Variants in RASA3 observed in about 807,000 individuals in gnomAD.
RASA3 encodes RAS p21 protein activator 3.
In RASA3, 73 loss-of-function variants were observed where a neutral mutation model predicts 110.0. The ratio of observed to expected loss-of-function variants is 0.66; its 90% CI spans 0.55 to 0.81. The LOEUF (loss-of-function observed/expected upper bound fraction) is 0.81. Among genes scored for constraint, RASA3 ranks in the 30% least tolerant of loss-of-function variants. The pLI is 0.00. For missense variants in RASA3, 976 were observed against 1,113.2 expected (o/e 0.88, Z 1.75); for synonymous variants, 500 against 451.4 (o/e 1.11, Z -1.37).
In RASA3 at chr13:113,983,046, C is replaced by A. The variant is rs565928791; in HGVS notation, c.2246-1188G>T. Among the ~76,000 whole-genome samples the A allele has an allele frequency of 3.7e-4, 55 of 150,494 alleles. 1 individual carries two copies. In the South Asian group the frequency reaches 8.0e-3, roughly 22 times the overall value. On this transcript the variant is annotated intron_variant, in intron 22 of 23. Transcript: ENST00000334062. ...TGAGAAGTGGCTGCTGCTGTACCTT[C>A]AAATGTGGACTGGCTTTGGAACTGG...
chr13:114,012,368 A>G (rs1466103556), intron 15 of RASA3, among the ~76,000 whole-genome samples: 1 of 144,518 alleles, frequency 6.9e-6, no homozygotes, highest in Middle Eastern at 3.3e-3. Context: ...TCCCCATTCC[A>G]CACACCTTCC....
chr13:114,043,685 C>T (rs768964399), intron 3 of RASA3, among the ~76,000 whole-genome samples: 10 of 152,052 alleles, frequency 6.6e-5, no homozygotes, highest in African/African-American at 1.7e-4. Flanking sequence ...AGGAAACAGG[C>T]CCCAGCACAT....
chr13:114,020,279 G>A (rs896449924), intron 9 of RASA3, among the ~76,000 whole-genome samples: 1 of 152,134 alleles, frequency 6.6e-6, no homozygotes, highest in African/African-American at 2.4e-5. Flanking sequence ...CGGTCAGGTG[G>A]GTGGAGCCTG....
chr13:114,043,196 G>A (rs1566519081), intron 3 of RASA3, among the ~76,000 whole-genome samples: 1 of 152,214 alleles, frequency 6.6e-6, no homozygotes, highest in Non-Finnish European at 1.5e-5. Flanking sequence ...ACAGCGCAAG[G>A]TCGGCCACAT....
intron 1 of RASA3, among the ~76,000 whole-genome samples, chr13:114,095,623 CAT>C (rs1208290353): frequency 1.3e-5 from 2 of 152,134 alleles, no homozygotes; most frequent in Admixed American, 6.6e-5. Context: ...CACACCTTCA[CAT>C]GCGTCCACTC....
At chr13:114,122,799 C>CGAGTGAGGGACGCAGCTAGG (rs1555345093) in intron 1 of RASA3, among the ~76,000 whole-genome samples, 1 of 152,234 alleles carries the variant, frequency 6.6e-6, no homozygotes, top group Non-Finnish European at 1.5e-5. Flanking sequence ...AGGTCGGCCC[C>CGAGTGAGGGACGCAGCTAGG]AGCCCTGACT....
chr13:114,026,958 C>T (rs1403381970), intron 7 of RASA3, among the ~76,000 whole-genome samples: 1 of 152,258 alleles, frequency 6.6e-6, no homozygotes, highest in Non-Finnish European at 1.5e-5. Context: ...GTTTCAAAAC[C>T]CTGCCTATTT....
rs1258789920 is a variant in RASA3, at chr13:114,057,140, C to T, written c.174-4985G>A. The T allele has an allele frequency of 2.2e-6, 2 of 923,172 alleles. No individual in the cohort carries two copies. Among genetic ancestry groups the T allele is most frequent in the Non-Finnish European group, 2.6e-6 (2 of 773,334 alleles). 57.2% of individuals were successfully genotyped at this position (923,172 alleles called of 1,614,324 possible). A position where few individuals can be genotyped will look rare whatever the true frequency, so the allele number is the denominator to read the frequency against. ...GGTGAGTGTTTTGCATGTCTGATGT[C>T]GTTTATTCTAGTGGTTCCAATTGCC... On this transcript the variant is annotated intron_variant, in intron 2 of 23. Transcript: ENST00000334062. The surrounding 1 kb of genome is among the most constrained non-coding windows in gnomAD (Gnocchi z 5.0).
At chr13:114,007,678 C>G in intron 17 of RASA3, 72 bp from the exon 18 acceptor site, 1 of 1,297,894 alleles carries the variant, frequency 7.7e-7, no homozygotes, top group South Asian at 1.2e-5. Flanking sequence ...TGTATAACAA[C>G]AGCGTCGGCG....
At chr13:114,058,533 C>T (rs900429889) in intron 2 of RASA3, among the ~76,000 whole-genome samples, 2 of 152,268 alleles carry the variant, frequency 1.3e-5, no homozygotes, top group Non-Finnish European at 2.9e-5. Context: ...AGCCAAAACA[C>T]GGTGTCCACT....
chr13:114,076,278 G>C (rs997728442), intron 1 of RASA3, among the ~76,000 whole-genome samples: 9 of 152,180 alleles, frequency 5.9e-5, no homozygotes, highest in African/African-American at 2.2e-4. Context: ...ATAATCGGTT[G>C]GTGGGAAAAA....
At chr13:114,078,389 G>A (rs1464190195) in intron 1 of RASA3, among the ~76,000 whole-genome samples, 2 of 151,978 alleles carry the variant, frequency 1.3e-5, no homozygotes, top group Non-Finnish European at 2.9e-5. Context: ...TATACAGTAA[G>A]TACCTAATTA....
chr13:114,093,754 CT>C (rs2079913097), intron 1 of RASA3, among the ~76,000 whole-genome samples: 1 of 148,294 alleles, frequency 6.7e-6, no homozygotes, highest in Non-Finnish European at 1.5e-5. Context: ...CATTTTTTTT[CT>C]TTTTTCTTCT....
At position 114,112,536 on chromosome 13, in the gene RASA3, G is replaced by T. The variant is rs970723489; in HGVS notation, c.55+19899C>A. 2.9e-4 allele frequency among the ~76,000 whole-genome samples: 44 copies of T among 152,324 alleles called. No individual in the cohort carries two copies. The highest frequency in any genetic ancestry group is 1.1e-3 in the African/African-American group (44 of 41,568). On this transcript the variant is annotated intron_variant, in intron 1 of 23. Coordinates refer to ENST00000334062, the MANE Select transcript of RASA3 (RefSeq NM_007368.4). This position sits in a 1 kb window ranked among gnomAD's most constrained non-coding sequence, Gnocchi z 4.8. ...AGATCGCCAGCCCCAGCTCTGTAGG[G>T]GTGCGGCCTGCCTCGAGCACTTCAC...
chr13:114,027,159 C>T (rs1594346183), intron 7 of RASA3, among the ~76,000 whole-genome samples: 1 of 152,196 alleles, frequency 6.6e-6, no homozygotes. Flanking sequence ...GCCACGGGTC[C>T]AATCCCCAGG....
Position 113,979,416 on chromosome 13 carries a change from G to T in RASA3, c.2436C>A (p.His812Gln). 1 of 1,599,460 alleles carries T rather than the reference G, an allele frequency of 6.3e-7. No homozygotes were observed. Among genetic ancestry groups the T allele is most frequent in the Non-Finnish European group, 8.6e-7 (1 of 1,166,926 alleles). The change falls in exon 24 of 24, where the codon CAC becomes CAA. Residue 812 changes from histidine (H) to glutamine (Q), a missense_variant. Around this residue, in one of 4 missense-constraint regions of RASA3, gnomAD observed 132 missense variants for 152.8 expected, o/e 0.86. Transcript: ENST00000334062. Reference protein sequence around the residue: ...FKKTKYGSQEHPIGDKSFQNY... With the variant: ...FKKTKYGSQEQPIGDKSFQNY... Reference sequence around the variant, plus strand: ...TCTGGAAGCTCTTGTCTCCGATGGGGTGCTCCCTGAAAAGGGGGATGGGAG... The same window carrying T: ...TCTGGAAGCTCTTGTCTCCGATGGGTTGCTCCCTGAAAAGGGGGATGGGAG...
chr13:114,092,120 G>T (rs1222028105), intron 1 of RASA3, among the ~76,000 whole-genome samples: 1 of 151,516 alleles, frequency 6.6e-6, no homozygotes, highest in African/African-American at 2.4e-5. Flanking sequence ...AAAAAAATCA[G>T]CTTTTCATTG....
At position 113,999,519 on chromosome 13, in the gene RASA3, G is replaced by A; in HGVS notation, c.1932+66C>T. The A allele has an allele frequency of 5.3e-6, 7 of 1,325,316 alleles. 1 individual carries two copies. Among genetic ancestry groups the A allele is most frequent in the African/African-American group, 2.9e-5 (2 of 69,218 alleles). 82.1% of individuals were successfully genotyped at this position (1,325,316 alleles called of 1,614,324 possible). On this transcript the variant is annotated intron_variant, in intron 20 of 23. Transcript: ENST00000334062. The stretch of plus-strand genomic sequence containing the variant: ...AGGGTGAGCCCAGGGCCAGGTACGG[G>A]AAGAGAGCAGAGAAAACCTGGCCAG...
intron 5 of RASA3, among the ~76,000 whole-genome samples, chr13:114,028,609 C>T (rs1428098826): frequency 4.0e-5 from 6 of 148,770 alleles, no homozygotes; most frequent in African/African-American, 1.5e-4. Flanking sequence ...ACCTCTAAAA[C>T]GGCATCATCC....
Sources: gnomAD v4.1 joint callset for allele counts (sites outside exome capture counted in the v4.1 genomes callset) on GRCh38, gnomAD v4.1.1 for gene constraint, gnomAD v4.1.1 regional missense constraint, Gnocchi (gnomAD v3.1) non-coding constraint, MANE v1.5 for transcripts, NCBI Gene and HGNC (gene_info 2026-07-23, HGNC 2026-07-21) for gene names.